ATP13A4: variants seen among roughly 807,000 people sequenced by gnomAD.
ATP13A4 encodes ATPase 13A4.
ATP13A4 carries 114 observed loss-of-function variants against 142.5 expected under a neutral mutation model. The observed-to-expected ratio is 0.80, with a 90% CI of 0.69 to 0.93. ATP13A4 has a LOEUF of 0.93. Ranked by LOEUF, ATP13A4 falls within the 40% of genes least tolerant of loss-of-function variation. The probability of loss-of-function intolerance (pLI) is 0.00; values close to 1 mark genes in which losing one functional copy is unlikely to be tolerated. For missense variants in ATP13A4, 1,392 were observed against 1,454.0 expected (o/e 0.96, Z 0.69); for synonymous variants, 488 against 514.8 (o/e 0.95, Z 0.70).
chr3:193,529,832 T>C (rs1722220091), intron 1 of ATP13A4, among the ~76,000 whole-genome samples: 1 of 152,226 alleles, frequency 6.6e-6, no homozygotes. Flanking sequence ...CAATTTAAGT[T>C]TGGCTCTAAA....
rs1721340962 is a variant in ATP13A4 at position 193,515,168 on chromosome 3, C to T, written c.61-297G>A. ...TGTTTAGATGTGCTGTCTTGTTTAA[C>T]TCTCCCAATCATGCCTATCCCTGTG... On this transcript the variant is annotated intron_variant, in intron 1 of 29. Coordinates refer to ENST00000342695, the MANE Select transcript of ATP13A4 (RefSeq NM_032279.4). Among the ~76,000 whole-genome samples, 4 of 152,302 alleles carry T rather than the reference C, an allele frequency of 2.6e-5. No individual in the cohort carries two copies. In the South Asian group the frequency reaches 8.3e-4, roughly 32 times the overall value.
intron 1 of ATP13A4, among the ~76,000 whole-genome samples, chr3:193,550,781 T>G (rs939186114): frequency 6.6e-6 from 1 of 152,160 alleles, no homozygotes. Context: ...TAGAGAAAAA[T>G]ATCAGGGAAC....
At chr3:193,543,033 T>C (rs1023204200) in intron 1 of ATP13A4, among the ~76,000 whole-genome samples, 14 of 151,780 alleles carry the variant, frequency 9.2e-5, no homozygotes, top group African/African-American at 3.1e-4. Flanking sequence ...CCGGGTGTGG[T>C]GGTGGATGCC....
intron 25 of ATP13A4, among the ~76,000 whole-genome samples, chr3:193,417,843 C>T (rs1264019520): frequency 6.8e-6 from 1 of 147,434 alleles, no homozygotes; most frequent in Non-Finnish European, 1.5e-5. Flanking sequence ...AAATTAGCGG[C>T]CGGGCGCGGT....
chr3:193,511,898 T>A (rs916336621), intron 2 of ATP13A4, among the ~76,000 whole-genome samples: 2 of 152,236 alleles, frequency 1.3e-5, no homozygotes, highest in African/African-American at 2.4e-5. Context: ...CATCTCCTCA[T>A]TTAGTGACAC....
intron 2 of ATP13A4, among the ~76,000 whole-genome samples, chr3:193,569,421 G>A (rs1724210115): frequency 1.3e-5 from 2 of 152,178 alleles, no homozygotes; most frequent in African/African-American, 4.8e-5. Context: ...ATCCTGGACA[G>A]GATAAAAAGC....
At chr3:193,440,452 G>A (rs1244111555) in intron 21 of ATP13A4, 106 bp downstream of exon 21, 47 of 1,571,288 alleles carry the variant, frequency 3.0e-5, no homozygotes, top group African/African-American at 4.0e-5. Context: ...GCCGAAGTAC[G>A]GACCACTGCC....
chr3:193,475,136 A>G (rs1314810420), intron 8 of ATP13A4, among the ~76,000 whole-genome samples: 3 of 152,096 alleles, frequency 2.0e-5, no homozygotes, highest in African/African-American at 4.8e-5. Flanking sequence ...TAACCTAGCA[A>G]TTTTACTTCT....
chr3:193,543,347 C>A (rs1260116411), intron 1 of ATP13A4, among the ~76,000 whole-genome samples: 1 of 152,108 alleles, frequency 6.6e-6, no homozygotes, highest in East Asian at 1.9e-4. Context: ...AGTGAACAGA[C>A]AATTTACAGA....
At chr3:193,521,237 C>A (rs1560253313) in intron 1 of ATP13A4, among the ~76,000 whole-genome samples, 1 of 151,784 alleles carries the variant, frequency 6.6e-6, no homozygotes, top group Non-Finnish European at 1.5e-5. Context: ...TAATTCAGGG[C>A]AGAAAATATT....
rs753536893 is a variant in ATP13A4, at chr3:193,464,996, T to G, written c.1405A>C (p.Ile469Leu). ...RRLKKRGIFC[I>L]SPQRINVCGQ... ...CATACGTTGATCCTCTGGGGGCTAATGCAGAAGATGCCTCTCTTCTTCAGC... is the reference window on the plus strand; with the variant it reads ...CATACGTTGATCCTCTGGGGGCTAAGGCAGAAGATGCCTCTCTTCTTCAGC... The change falls in exon 12 of 30, where the codon ATT becomes CTT. Residue 469 changes from isoleucine (I) to leucine (L), a missense_variant. Physicochemically the swap from Ile to Leu is conservative, Grantham distance 5. Coordinates refer to ENST00000342695, the MANE Select transcript of ATP13A4 (RefSeq NM_032279.4). 1 of 1,614,158 alleles carries G rather than the reference T, an allele frequency of 6.2e-7. No homozygotes were observed. Among genetic ancestry groups the G allele is most frequent in the Admixed American group, 1.7e-5 (1 of 60,020 alleles).
chr3:193,565,953 TTGCTTGTTTC>T (rs1257263688), intron 2 of ATP13A4, among the ~76,000 whole-genome samples: 1 of 152,194 alleles, frequency 6.6e-6, no homozygotes, highest in East Asian at 1.9e-4. Context: ...TATTGTGATA[TTGCTTGTTTC>T]TGCTCAGCAC....
At position 193,493,137 on chromosome 3, in the gene ATP13A4, T is replaced by C. The variant is rs1327122341; in HGVS notation, c.405A>G (p.Lys135=). 11 of 1,613,096 alleles carry C rather than the reference T, an allele frequency of 6.8e-6. No homozygotes were observed. The highest frequency in any genetic ancestry group is 8.5e-6 in the Non-Finnish European group (10 of 1,179,634). The change falls in exon 4 of 30, where the codon AAA becomes AAG. Residue 135 remains lysine (K), a synonymous_variant. Transcript: ENST00000342695. Reference sequence around the variant, plus strand: ...CTAAGTAGTTCCAAACATATCTTATTTTCTGCACTTTGATGCATCTCACCT... The same window carrying C: ...CTAAGTAGTTCCAAACATATCTTATCTTCTGCACTTTGATGCATCTCACCT... ...DLKVRCIKVQ[K]IRYVWNYLEG...
chr3:193,472,236 G>A (rs1263749142), intron 8 of ATP13A4, among the ~76,000 whole-genome samples: 1 of 152,190 alleles, frequency 6.6e-6, no homozygotes, highest in African/African-American at 2.4e-5. Context: ...CAATGTATAA[G>A]TTTTCCAACT....
intron 8 of ATP13A4, among the ~76,000 whole-genome samples, chr3:193,480,161 T>G (rs1034222907): frequency 6.6e-6 from 1 of 152,128 alleles, no homozygotes; most frequent in African/African-American, 2.4e-5. Flanking sequence ...ATAAAAATCC[T>G]AGAAGATAGC....
intron 18 of ATP13A4, among the ~76,000 whole-genome samples, chr3:193,443,107 C>T (rs1232897358): frequency 2.6e-5 from 4 of 152,084 alleles, no homozygotes; most frequent in Admixed American, 6.6e-5. Flanking sequence ...ATTTGACTGG[C>T]GTGTGGGCCT....
Position 193,514,828 on chromosome 3 carries a change from C to T in ATP13A4, c.104G>A (p.Cys35Tyr), listed in dbSNP as rs1416808301. The T allele has an allele frequency of 6.2e-7, 1 of 1,614,192 alleles. No homozygotes were observed. The highest frequency in any genetic ancestry group is 2.2e-5 in the East Asian group (1 of 44,890). The change falls in exon 2 of 30, where the codon TGC (cysteine) becomes TAC (tyrosine). Residue 35 changes from cysteine (C) to tyrosine (Y), a missense_variant. Cys to Tyr is a radical substitution (Grantham distance 194, BLOSUM62 -2). Coordinates refer to ENST00000342695, the MANE Select transcript of ATP13A4 (RefSeq NM_032279.4). Reference sequence around the variant, plus strand: ...AAATGAGAAGATGGATCCGGCAAGGCAGAGACTTTTCCGGCAGCCTTGAGT... The same window carrying T: ...AAATGAGAAGATGGATCCGGCAAGGTAGAGACTTTTCCGGCAGCCTTGAGT... ...YRTQGCRKSL[C>Y]LAGSIFSFGI...
At chr3:193,417,547 T>C (rs184721576) in intron 25 of ATP13A4, among the ~76,000 whole-genome samples, 32 of 152,318 alleles carry the variant, frequency 2.1e-4, no homozygotes, top group African/African-American at 7.7e-4. Flanking sequence ...TAATTACATT[T>C]TATGTAATTT....
At chr3:193,446,651 C>CTT (rs1716972750) in intron 18 of ATP13A4, among the ~76,000 whole-genome samples, 1 of 151,744 alleles carries the variant, frequency 6.6e-6, no homozygotes, top group Non-Finnish European at 1.5e-5. Context: ...TTCAAAGTGA[C>CTT]AGATATTATG....
Sources: allele counts gnomAD v4.1 joint callset (sites outside exome capture counted in the v4.1 genomes callset), GRCh38; gene constraint gnomAD v4.1.1; transcripts MANE v1.5; gene names NCBI Gene and HGNC (gene_info 2026-07-23, HGNC 2026-07-21).